The following IQSEC3 variants were observed in gnomAD, a reference collection of about 807,000 sequenced individuals.
IQSEC3 encodes IQ motif and SEC7 domain-containing protein 3.
Under a neutral mutation model 105.4 loss-of-function variants are expected in IQSEC3, and 50 were observed. The observed-to-expected ratio is 0.47, with a 90% CI of 0.38 to 0.60. The LOEUF (loss-of-function observed/expected upper bound fraction) is 0.60, where lower values mean the gene tolerates loss of function less well. Ranked by LOEUF, IQSEC3 falls within the 20% of genes least tolerant of loss-of-function variation. IQSEC3 has a pLI of 0.00. For missense variants in IQSEC3, 1,415 were observed against 1,630.0 expected (o/e 0.87, Z 2.27); for synonymous variants, 708 against 746.0 (o/e 0.95, Z 0.83).
At chr12:159,958 G>A (rs1866827132) in intron 7 of IQSEC3, among the ~76,000 whole-genome samples, 1 of 152,106 alleles carries the variant, frequency 6.6e-6, no homozygotes, top group African/African-American at 2.4e-5. Flanking sequence ...GTCCCTCAGT[G>A]CCGTCTTTTG....
intron 12 of IQSEC3, among the ~76,000 whole-genome samples, chr12:169,610 G>A (rs576737759): frequency 3.7e-4 from 57 of 152,256 alleles, no homozygotes; most frequent in African/African-American, 1.2e-3. Context: ...CCCAAATCCA[G>A]AGAGACCCTC....
At position 157,807 on chromosome 12, in the gene IQSEC3, G is replaced by C. The variant is rs1203818289; in HGVS notation, c.2443+113G>C. The C allele has an allele frequency of 2.4e-6, 3 of 1,228,544 alleles. No individual in the cohort carries two copies. The East Asian group carries it at 7.6e-5, about 31-fold the overall frequency. The allele number at this position is 1,228,544 out of a possible 1,614,324, so 76.1% of individuals were successfully genotyped here. ...TATCACAGATGGTCACCTGCTGTCT[G>C]GGCCTGGTCACCCATAGCAAGCTGG... is the stretch of plus-strand genomic sequence containing the variant. On this transcript the variant is annotated intron_variant, in intron 7 of 13. Transcript: ENST00000538872.
At chr12:147,090 T>C (rs1277781439) in intron 5 of IQSEC3, among the ~76,000 whole-genome samples, 1 of 152,234 alleles carries the variant, frequency 6.6e-6, no homozygotes, top group African/African-American at 2.4e-5. Flanking sequence ...AAAATGGACC[T>C]ACCTGCCACC....
At chr12:98,933 A>G (rs1864327706) in intron 1 of IQSEC3, among the ~76,000 whole-genome samples, 2 of 152,158 alleles carry the variant, frequency 1.3e-5, no homozygotes, top group Admixed American at 6.5e-5. Context: ...ATCTGAATTG[A>G]GCCTAATGGG....
chr12:81,547 T>A (rs767286056), intron 1 of IQSEC3, among the ~76,000 whole-genome samples: 15 of 151,262 alleles, frequency 9.9e-5, no homozygotes, highest in Non-Finnish European at 2.1e-4. Flanking sequence ...CAAAGAGGAG[T>A]TGAGGATGAG....
intron 3 of IQSEC3, among the ~76,000 whole-genome samples, chr12:130,091 C>G (rs1444935719): frequency 1.3e-5 from 2 of 152,198 alleles, no homozygotes; most frequent in Admixed American, 6.5e-5. Flanking sequence ...TCCCTCTCCC[C>G]GGTTCATTCA....
intron 1 of IQSEC3, among the ~76,000 whole-genome samples, chr12:91,785 AAAAG>A (rs1475220376): frequency 5.3e-5 from 8 of 151,950 alleles, no homozygotes; most frequent in Admixed American, 2.6e-4. Flanking sequence ...TGTCTCAAAA[AAAAG>A]AAAGAAAGAA....
At chr12:133,146 G>A (rs544695911) in intron 3 of IQSEC3, among the ~76,000 whole-genome samples, 13 of 152,316 alleles carry the variant, frequency 8.5e-5, no homozygotes, top group African/African-American at 3.1e-4. Context: ...TCCACCTGGG[G>A]AGCACGTTTA....
intron 1 of IQSEC3, among the ~76,000 whole-genome samples, chr12:70,522 T>C (rs1188167737): frequency 6.6e-6 from 1 of 152,288 alleles, no homozygotes; most frequent in African/African-American, 2.4e-5. Context: ...TGCCTCTTAA[T>C]GAAAGCAGCA....
At chr12:144,225 G>GA (rs1379427207) in intron 5 of IQSEC3, 2 of 152,186 alleles carry the variant, frequency 1.3e-5, no homozygotes, top group Admixed American at 6.5e-5. Flanking sequence ...ACTAGCAGGG[G>GA]AGGGGGGCGC....
At chr12:71,865 A>T (rs576750852) in intron 1 of IQSEC3, among the ~76,000 whole-genome samples, 2 of 152,388 alleles carry the variant, frequency 1.3e-5, no homozygotes, top group Non-Finnish European at 1.5e-5. Context: ...CTAGTCTAAG[A>T]AATGGGGCCA....
chr12:123,812 C>T lies in IQSEC3; in HGVS notation c.624-1821C>T, dbSNP rs74779183. On this transcript the variant is annotated intron_variant, in intron 2 of 13. Transcript: ENST00000538872. ...ACATAAGTCCTTAGGTTGCAGCTGT[C>T]CTGCACCAGGGCCACCCCACCACCC... is the stretch of plus-strand genomic sequence containing the variant. 3.7e-3 allele frequency among the ~76,000 whole-genome samples: 566 copies of T among 152,260 alleles called. 4 individuals are homozygous for T. The highest frequency in any genetic ancestry group is 0.012 in the African/African-American group (516 of 41,540).
At chr12:151,873 C>T (rs567430753) in intron 5 of IQSEC3, among the ~76,000 whole-genome samples, 1 of 152,274 alleles carries the variant, frequency 6.6e-6, no homozygotes, top group South Asian at 2.1e-4. Context: ...TTGGCCACCT[C>T]CTACTCATCT....
intron 1 of IQSEC3, among the ~76,000 whole-genome samples, chr12:94,544 G>T (rs782454519): frequency 9.2e-5 from 14 of 152,252 alleles, no homozygotes; most frequent in Non-Finnish European, 1.8e-4. Context: ...AGAACTGGAA[G>T]ACAAGCTCCC....
At chr12:162,970 T>C (rs1300174184) in intron 8 of IQSEC3, among the ~76,000 whole-genome samples, 1 of 152,082 alleles carries the variant, frequency 6.6e-6, no homozygotes, top group Non-Finnish European at 1.5e-5. Context: ...TTCCTGTCCC[T>C]CTATCCCCTC....
At chr12:121,147 C>T (rs1865206273) in intron 2 of IQSEC3, among the ~76,000 whole-genome samples, 1 of 152,148 alleles carries the variant, frequency 6.6e-6, no homozygotes, top group Non-Finnish European at 1.5e-5. Context: ...TGAAATCTGA[C>T]CCACTAGGGA....
At chr12:104,171 T>A (rs1555077223) in intron 2 of IQSEC3, among the ~76,000 whole-genome samples, 2 of 152,140 alleles carry the variant, frequency 1.3e-5, no homozygotes, top group African/African-American at 4.8e-5. Context: ...ATAGATGTTA[T>A]TCCCATTTAC....
chr12:138,162 T>G lies in IQSEC3; in HGVS notation c.904-105T>G. On this transcript the variant is annotated intron_variant, in intron 3 of 13. Coordinates refer to ENST00000538872, the MANE Select transcript of IQSEC3 (RefSeq NM_001170738.2). The surrounding 1 kb of genome is among the most constrained non-coding windows in gnomAD (Gnocchi z 7.1). ...GGAGCGCCCCCCCGCCCCCGTCCATTCCTGGGCCCCACCCGAGTGTGGCCG... is the reference window on the plus strand; with the variant it reads ...GGAGCGCCCCCCCGCCCCCGTCCATGCCTGGGCCCCACCCGAGTGTGGCCG... The G allele has an allele frequency of 3.7e-6, 4 of 1,087,732 alleles. No homozygotes were observed. The highest frequency in any genetic ancestry group is 4.0e-6 in the Non-Finnish European group (3 of 753,948). The allele number at this position is 1,087,732 out of a possible 1,614,324, so 67.4% of individuals were successfully genotyped here.
At chr12:169,209 G>A (rs1461589028) in intron 12 of IQSEC3, 104 bp downstream of exon 12, 1 of 917,836 alleles carries the variant, frequency 1.1e-6, no homozygotes, top group Non-Finnish European at 1.7e-6. Context: ...CATTCCCGTG[G>A]CGTGTTTCTT....
Sources: gnomAD v4.1 joint callset for allele counts (sites outside exome capture counted in the v4.1 genomes callset) on GRCh38, gnomAD v4.1.1 for gene constraint, Gnocchi (gnomAD v3.1) non-coding constraint, MANE v1.5 for transcripts, NCBI Gene and HGNC (gene_info 2026-07-23, HGNC 2026-07-21) for gene names.